The following SGCZ variants were observed in gnomAD, a reference collection of about 807,000 sequenced individuals.
SGCZ encodes the protein zeta-sarcoglycan.
SGCZ carries 40 observed loss-of-function variants against 41.3 expected under a neutral mutation model. The observed-to-expected ratio is 0.97, with a 90% confidence interval of 0.75 to 1.26. SGCZ has a LOEUF of 1.26. SGCZ is among the 50% of genes most tolerant of loss of function. The pLI is 0.00. For synonymous variants in SGCZ, 206 were observed against 137.5 expected (o/e 1.50, Z -3.49); for missense variants, 552 against 369.8 (o/e 1.49, Z -4.04).
intron 2 of SGCZ, among the ~76,000 whole-genome samples, chr8:14,369,858 T>A (rs1225082747): frequency 6.6e-6 from 1 of 152,010 alleles, no homozygotes; most frequent in Non-Finnish European, 1.5e-5. Flanking sequence ...AGCATATAAT[T>A]AGGCAATCAA....
chr8:14,363,848 G>A (rs1803610473), intron 2 of SGCZ, among the ~76,000 whole-genome samples: 1 of 152,124 alleles, frequency 6.6e-6, no homozygotes, highest in Non-Finnish European at 1.5e-5. Context: ...CATTGCTCAT[G>A]TTGACAGATT....
chr8:14,406,520 T>C (rs1180452690), intron 2 of SGCZ, among the ~76,000 whole-genome samples: 3 of 152,090 alleles, frequency 2.0e-5, no homozygotes, highest in African/African-American at 7.2e-5. Flanking sequence ...AAACAAACAT[T>C]GTTGAATGAA....
intron 2 of SGCZ, among the ~76,000 whole-genome samples, chr8:14,528,313 C>T (rs1803015720): frequency 6.6e-6 from 1 of 152,070 alleles, no homozygotes; most frequent in Middle Eastern, 3.2e-3. Context: ...TATGAGAAAG[C>T]ATGCGACGGA....
At chr8:14,373,330 A>G (rs1803979301) in intron 2 of SGCZ, among the ~76,000 whole-genome samples, 1 of 152,206 alleles carries the variant, frequency 6.6e-6, no homozygotes, top group African/African-American at 2.4e-5. Context: ...TGAAATATGG[A>G]TATGATCCCT....
At chr8:14,514,811 G>A (rs1459556874) in intron 2 of SGCZ, among the ~76,000 whole-genome samples, 140 of 73,674 alleles carry the variant, frequency 1.9e-3, no homozygotes, top group African/African-American at 9.5e-3. Context: ...GTGTGTGTGT[G>A]TGTATATATA....
intron 1 of SGCZ, among the ~76,000 whole-genome samples, chr8:14,747,439 C>T (rs1229617453): frequency 1.3e-5 from 2 of 152,108 alleles, no homozygotes; most frequent in African/African-American, 4.8e-5. Context: ...CAGAGAGAAG[C>T]AAATTAAACC....
At chr8:14,695,202 A>G (rs1411771901) in intron 1 of SGCZ, among the ~76,000 whole-genome samples, 1 of 152,172 alleles carries the variant, frequency 6.6e-6, no homozygotes, top group African/African-American at 2.4e-5. Flanking sequence ...TTATGATGAT[A>G]ATGATGACAT....
intron 4 of SGCZ, among the ~76,000 whole-genome samples, chr8:14,178,260 G>C (rs1246838578): frequency 6.6e-6 from 1 of 151,962 alleles, no homozygotes; most frequent in Non-Finnish European, 1.5e-5. Flanking sequence ...GGCTGATTTT[G>C]TTTTTCTTAT....
chr8:14,463,323 A>G (rs936054324), intron 2 of SGCZ, among the ~76,000 whole-genome samples: 23 of 151,500 alleles, frequency 1.5e-4, no homozygotes, highest in Non-Finnish European at 2.2e-4. Context: ...TTATAAAGAT[A>G]CAGTAATCAA....
chr8:14,289,994 A>C (rs1412484261), intron 3 of SGCZ, among the ~76,000 whole-genome samples: 1 of 151,842 alleles, frequency 6.6e-6, no homozygotes, highest in Admixed American at 6.6e-5. Flanking sequence ...TTTAAACAGC[A>C]GATCTTGTGA....
chr8:14,729,871 G>A (rs1810177837), intron 1 of SGCZ, among the ~76,000 whole-genome samples: 1 of 152,134 alleles, frequency 6.6e-6, no homozygotes, highest in Non-Finnish European at 1.5e-5. Flanking sequence ...GACCAATTGA[G>A]GTCAGGATTT....
chr8:14,609,300 G>C (rs554789382), intron 1 of SGCZ, among the ~76,000 whole-genome samples: 80 of 152,124 alleles, frequency 5.3e-4, no homozygotes, highest in African/African-American at 1.8e-3. Context: ...TAACGTCAAT[G>C]CTGGTATTAC....
At chr8:14,097,870 G>GTTAGT (rs1490716234) in intron 7 of SGCZ, among the ~76,000 whole-genome samples, 1 of 152,158 alleles carries the variant, frequency 6.6e-6, no homozygotes, top group Non-Finnish European at 1.5e-5. Flanking sequence ...TTTGATCTCT[G>GTTAGT]TTAGTTTAAA....
rs140423087 is a variant in SGCZ at position 14,514,966 on chromosome 8, T to G, written c.234+39766A>C. On this transcript the variant is annotated intron_variant, in intron 2 of 7. Coordinates refer to ENST00000382080, the MANE Select transcript of SGCZ (RefSeq NM_139167.4). ...ATATTTCAAGTGAACAGCATCCAATTCCGATTATAATTGCTTGTTTTCTAA... is the reference window on the plus strand; with the variant it reads ...ATATTTCAAGTGAACAGCATCCAATGCCGATTATAATTGCTTGTTTTCTAA... Among the ~76,000 whole-genome samples, 3 of 151,940 alleles carry G rather than the reference T, an allele frequency of 2.0e-5. No homozygotes were observed. In the East Asian group the frequency reaches 5.9e-4, roughly 30 times the overall value.
intron 1 of SGCZ, among the ~76,000 whole-genome samples, chr8:14,796,420 A>AT (rs561224058): frequency 0.024 from 3,476 of 147,228 alleles, 49 homozygotes; most frequent in Middle Eastern, 0.062. Flanking sequence ...TACTCATTCT[A>AT]TTTTTGTTTT....
intron 1 of SGCZ, among the ~76,000 whole-genome samples, chr8:14,612,241 G>C (rs1805953362): frequency 6.6e-6 from 1 of 152,154 alleles, no homozygotes; most frequent in Non-Finnish European, 1.5e-5. Flanking sequence ...GTTGCCAGGT[G>C]ATTGGATCAT....
chr8:14,229,109 T>C (rs1403447878), intron 4 of SGCZ, among the ~76,000 whole-genome samples: 1 of 152,190 alleles, frequency 6.6e-6, no homozygotes, highest in East Asian at 1.9e-4. Context: ...TTAGTCTAGG[T>C]CCTCCAGGAA....
intron 2 of SGCZ, among the ~76,000 whole-genome samples, chr8:14,488,898 G>T (rs1447240999): frequency 6.6e-6 from 1 of 151,862 alleles, no homozygotes; most frequent in Non-Finnish European, 1.5e-5. Context: ...AGATTAATTA[G>T]TTCTGGAAAT....
chr8:14,982,314 G>C lies in SGCZ; in HGVS notation c.39+255271C>G, dbSNP rs140328259. Among the ~76,000 whole-genome samples, 489 of 152,314 alleles carry C rather than the reference G, an allele frequency of 3.2e-3. 4 individuals carry two copies. Among genetic ancestry groups the C allele is most frequent in the African/African-American group, 0.012 (479 of 41,560 alleles). ...TATTGCCAAGTCCGTGGAGTTCAAA[G>C]ATAGGCCAAGCCAGATTTCAATACT... is the stretch of plus-strand genomic sequence containing the variant. On this transcript the variant is annotated intron_variant, in intron 1 of 7. Transcript: ENST00000382080.
Sources: gnomAD v4.1 joint callset for allele counts (sites outside exome capture counted in the v4.1 genomes callset) on GRCh38, gnomAD v4.1.1 for gene constraint, MANE v1.5 for transcripts, NCBI Gene and HGNC (gene_info 2026-07-23, HGNC 2026-07-21) for gene names.